The following ZBTB7C variants were observed in gnomAD, a reference collection of about 807,000 sequenced individuals.
The protein encoded by ZBTB7C is zinc finger and BTB domain-containing protein 7C.
A neutral mutation model predicts 25.7 loss-of-function variants in ZBTB7C; 8 were observed. The observed-to-expected ratio is 0.31, with a 90% CI of 0.18 to 0.56. The LOEUF is 0.56. Ranked by LOEUF, ZBTB7C falls within the 20% of genes least tolerant of loss-of-function variation. The probability of loss-of-function intolerance (pLI) is 0.91; values close to 1 mark genes in which losing one functional copy is unlikely to be tolerated. For synonymous variants in ZBTB7C, 394 were observed against 369.0 expected (o/e 1.07, Z -0.78); for missense variants, 824 against 855.2 (o/e 0.96, Z 0.46).
At chr18:48,049,378 A>G (rs1430852814) in intron 3 of ZBTB7C, among the ~76,000 whole-genome samples, 1 of 152,196 alleles carries the variant, frequency 6.6e-6, no homozygotes, top group African/African-American at 2.4e-5. Flanking sequence ...TTCCAGGCAC[A>G]CTTGGGTTAT....
chr18:48,052,805 G>C (rs2036748962), intron 3 of ZBTB7C, among the ~76,000 whole-genome samples: 1 of 152,186 alleles, frequency 6.6e-6, no homozygotes. Context: ...AAGACTAGCT[G>C]GTTGTGAATG....
intron 3 of ZBTB7C, among the ~76,000 whole-genome samples, chr18:48,067,799 C>T (rs572142272): frequency 2.6e-5 from 4 of 152,048 alleles, no homozygotes; most frequent in East Asian, 1.9e-4. Flanking sequence ...GTTGGGAGTT[C>T]GAGACCAGCC....
At chr18:48,382,552 C>T (rs2047656640) in intron 1 of ZBTB7C, among the ~76,000 whole-genome samples, 1 of 152,232 alleles carries the variant, frequency 6.6e-6, no homozygotes. Flanking sequence ...TCGGTGACGA[C>T]ACTCCTTCCT....
chr18:48,167,597 T>TGTGTGTGTGTGTGTGTGTGTGTGC (rs779870966), intron 3 of ZBTB7C, among the ~76,000 whole-genome samples: 165 of 148,142 alleles, frequency 1.1e-3, no homozygotes, highest in Middle Eastern at 3.5e-3. Flanking sequence ...TGTGTGTGTG[T>TGTGTGTGTGTGTGTGTGTGTGTGC]GCGCGCGTGC....
chr18:48,059,864 G>A (rs980486144), intron 3 of ZBTB7C, among the ~76,000 whole-genome samples: 1 of 152,080 alleles, frequency 6.6e-6, no homozygotes, highest in Non-Finnish European at 1.5e-5. Context: ...CCAGTCCCCA[G>A]AGGTCCATCC....
intron 2 of ZBTB7C, among the ~76,000 whole-genome samples, chr18:48,321,798 G>A (rs902946376): frequency 1.3e-5 from 2 of 152,128 alleles, no homozygotes; most frequent in Non-Finnish European, 2.9e-5. Flanking sequence ...GCTGCGTGCC[G>A]ATCCGCCCCA....
At chr18:48,285,164 T>C (rs1261907757) in intron 2 of ZBTB7C, among the ~76,000 whole-genome samples, 1 of 152,244 alleles carries the variant, frequency 6.6e-6, no homozygotes, top group African/African-American at 2.4e-5. Context: ...TTGTTACTTG[T>C]ATTGTTTGAA....
chr18:48,190,699 T>G (rs1458113615), intron 2 of ZBTB7C, among the ~76,000 whole-genome samples: 1 of 152,212 alleles, frequency 6.6e-6, no homozygotes, highest in Non-Finnish European at 1.5e-5. Context: ...TGGGCTTCAG[T>G]GCATGGGAGG....
At chr18:48,130,191 C>A (rs1049372597) in intron 3 of ZBTB7C, among the ~76,000 whole-genome samples, 5 of 152,208 alleles carry the variant, frequency 3.3e-5, no homozygotes, top group African/African-American at 1.2e-4. Context: ...CAGGCTGCTT[C>A]TCTGCTTAAA....
intron 3 of ZBTB7C, among the ~76,000 whole-genome samples, chr18:48,184,615 C>T (rs571760368): frequency 6.6e-6 from 1 of 152,110 alleles, no homozygotes; most frequent in Admixed American, 6.5e-5. Context: ...ATTAATTAAT[C>T]ATCATTAAAT....
At chr18:48,250,732 C>T (rs1457856335) in intron 2 of ZBTB7C, among the ~76,000 whole-genome samples, 3 of 151,940 alleles carry the variant, frequency 2.0e-5, no homozygotes, top group South Asian at 2.1e-4. Context: ...CAGATACCCA[C>T]CCACTCAGCT....
chr18:48,232,073 G>A (rs1031525299), intron 2 of ZBTB7C, among the ~76,000 whole-genome samples: 1 of 152,214 alleles, frequency 6.6e-6, no homozygotes, highest in Admixed American at 6.5e-5. Context: ...GGCCAGTAGT[G>A]CCAGCTGAGC....
At chr18:48,166,413 T>C (rs1181130099) in intron 3 of ZBTB7C, among the ~76,000 whole-genome samples, 1 of 152,226 alleles carries the variant, frequency 6.6e-6, no homozygotes, top group Non-Finnish European at 1.5e-5. Context: ...TGTTGCCCTT[T>C]GTGTCTGCAG....
intron 3 of ZBTB7C, among the ~76,000 whole-genome samples, chr18:48,128,447 A>G (rs533743132): frequency 6.6e-6 from 1 of 152,352 alleles, no homozygotes; most frequent in East Asian, 1.9e-4. Flanking sequence ...AAGATATGGA[A>G]CCAACCTAAG....
At chr18:48,277,208 C>A (rs2044686898) in intron 2 of ZBTB7C, among the ~76,000 whole-genome samples, 1 of 144,952 alleles carries the variant, frequency 6.9e-6, no homozygotes, top group South Asian at 2.4e-4. Context: ...AGTGAACAGG[C>A]AACCTACAAA....
chr18:48,259,765 C>T (rs922655007), intron 2 of ZBTB7C, among the ~76,000 whole-genome samples: 1 of 152,158 alleles, frequency 6.6e-6, no homozygotes, highest in African/African-American at 2.4e-5. Context: ...GAAAAATGTT[C>T]TGTGTCATTA....
At chr18:48,224,312 A>C (rs2043034709) in intron 2 of ZBTB7C, among the ~76,000 whole-genome samples, 1 of 152,204 alleles carries the variant, frequency 6.6e-6, no homozygotes, top group African/African-American at 2.4e-5. Flanking sequence ...GAACCAATGA[A>C]GAAACATTAA....
chr18:48,143,070 A>T (rs970844932), intron 3 of ZBTB7C, among the ~76,000 whole-genome samples: 1 of 152,128 alleles, frequency 6.6e-6, no homozygotes, highest in Admixed American at 6.5e-5. Flanking sequence ...GTGAGTCCAG[A>T]TCATTCAGCC....
chr18:48,245,668 T>G (rs938605973), intron 2 of ZBTB7C, among the ~76,000 whole-genome samples: 1 of 152,078 alleles, frequency 6.6e-6, no homozygotes, highest in Non-Finnish European at 1.5e-5. Context: ...AAAGGAACAA[T>G]TTTAGATTCA....
Sources: allele counts gnomAD v4.1 joint callset (sites outside exome capture counted in the v4.1 genomes callset), GRCh38; gene constraint gnomAD v4.1.1; transcripts MANE v1.5; gene names NCBI Gene and HGNC (gene_info 2026-07-23, HGNC 2026-07-21).